ANXA10: variants seen among roughly 807,000 people sequenced by gnomAD.
The protein encoded by ANXA10 is annexin A10.
In ANXA10, 49 loss-of-function variants were observed where a neutral mutation model predicts 53.5. The ratio of observed to expected loss-of-function variants is 0.92; its 90% CI spans 0.73 to 1.16. The LOEUF is 1.16. ANXA10 is among the 50% of genes most tolerant of loss of function. ANXA10 has a pLI of 0.00. For missense variants in ANXA10, 393 were observed against 394.4 expected (o/e 1.00, Z 0.03); for synonymous variants, 131 against 128.9 (o/e 1.02, Z -0.11).
intron 1 of ANXA10, among the ~76,000 whole-genome samples, chr4:168,103,530 C>G (rs1275082670): frequency 6.6e-6 from 1 of 151,776 alleles, no homozygotes; most frequent in Non-Finnish European, 1.5e-5. Flanking sequence ...ATATTGTTAC[C>G]TAATAGCAGA....
intron 1 of ANXA10, among the ~76,000 whole-genome samples, chr4:168,112,435 G>T (rs1730823607): frequency 6.6e-6 from 1 of 152,148 alleles, no homozygotes; most frequent in Admixed American, 6.5e-5. Context: ...TACAAGAAGA[G>T]CACTTGGCGG....
At chr4:168,122,034 C>A (rs7665767) in intron 1 of ANXA10, among the ~76,000 whole-genome samples, 1 of 151,580 alleles carries the variant, frequency 6.6e-6, no homozygotes, top group African/African-American at 2.4e-5. Context: ...GTACAGATGG[C>A]GTTTCACCAT....
chr4:168,098,619 T>C (rs956492965), intron 1 of ANXA10, among the ~76,000 whole-genome samples: 2 of 152,180 alleles, frequency 1.3e-5, no homozygotes, highest in African/African-American at 4.8e-5. Context: ...AATACTTTAC[T>C]CATAGCTTTT....
rs1731613289 is a variant in ANXA10 at position 168,155,700 on chromosome 4, T to G, written c.196-6828T>G. Among the ~76,000 whole-genome samples, 2 of 34,002 alleles carry G rather than the reference T, an allele frequency of 5.9e-5. 1 individual carries two copies. Among genetic ancestry groups the G allele is most frequent in the African/African-American group, 3.3e-4 (2 of 6,064 alleles). The allele number at this position is 34,002 out of a possible 152,430, so 22.3% of individuals were successfully genotyped here. The stretch of plus-strand genomic sequence containing the variant: ...ATATATTATAAAATATATAATATAT[T>G]ATAAATATATAATATTATATAATAT... On this transcript the variant is annotated intron_variant, in intron 3 of 11. Coordinates refer to ENST00000359299, the MANE Select transcript of ANXA10 (RefSeq NM_007193.5).
At chr4:168,151,733 ATTCG>A (rs1731500837) in intron 3 of ANXA10, among the ~76,000 whole-genome samples, 1 of 152,222 alleles carries the variant, frequency 6.6e-6, no homozygotes, top group Non-Finnish European at 1.5e-5. Context: ...TAAACATGTT[ATTCG>A]ATATTTATCT....
chr4:168,154,966 G>A (rs1274381171), intron 3 of ANXA10, among the ~76,000 whole-genome samples: 1 of 151,940 alleles, frequency 6.6e-6, no homozygotes, highest in Non-Finnish European at 1.5e-5. Flanking sequence ...CATTATTAGG[G>A]CCTCATGGTA....
intron 1 of ANXA10, among the ~76,000 whole-genome samples, chr4:168,111,796 T>C (rs2149466413): frequency 6.6e-6 from 1 of 152,306 alleles, no homozygotes; most frequent in South Asian, 2.1e-4. Context: ...GGCACAGATA[T>C]GTTCACTGAA....
chr4:168,122,418 T>C (rs770561511), intron 1 of ANXA10, among the ~76,000 whole-genome samples: 5 of 152,234 alleles, frequency 3.3e-5, no homozygotes, highest in Non-Finnish European at 7.3e-5. Flanking sequence ...TACTCTGTAC[T>C]ATAGAACTAA....
chr4:168,165,146 G>C (rs1230463120), intron 5 of ANXA10, 101 bp from the exon 6 acceptor site: 2 of 635,294 alleles, frequency 3.1e-6, no homozygotes, highest in Non-Finnish European at 5.1e-6. Context: ...TACATTTCCT[G>C]GACTTTGTAC....
Position 168,118,213 on chromosome 4 carries a change from A to G in ANXA10, c.19-9871A>G, listed in dbSNP as rs909049318. ...AAAACTCTAAAGAAACAAGGGGGAA[A>G]AAAATGGGCCCTTGGCCTAATTAGC... On this transcript the variant is annotated intron_variant, in intron 1 of 11. Coordinates refer to ENST00000359299, the MANE Select transcript of ANXA10 (RefSeq NM_007193.5). 1.8e-4 allele frequency among the ~76,000 whole-genome samples: 28 copies of G among 152,212 alleles called. 1 individual carries two copies. The highest frequency in any genetic ancestry group is 7.2e-5 in the African/African-American group (3 of 41,450).
intron 2 of ANXA10, among the ~76,000 whole-genome samples, chr4:168,138,086 T>A (rs997778332): frequency 1.3e-5 from 2 of 151,766 alleles, no homozygotes; most frequent in African/African-American, 4.8e-5. Flanking sequence ...CTCAGCCTAC[T>A]GAGTAGCTGG....
intron 1 of ANXA10, among the ~76,000 whole-genome samples, chr4:168,096,926 A>ATATATGTATATATATATATATATG (rs371811709): frequency 2.6e-4 from 34 of 129,910 alleles, no homozygotes; most frequent in Middle Eastern, 4.0e-3. Context: ...ATATATATAT[A>ATATATGTATATATATATATATATG]TATGTATGTA....
chr4:168,165,140 T>C (rs942790334), intron 5 of ANXA10, 107 bp from the exon 6 acceptor site: 4 of 568,864 alleles, frequency 7.0e-6, no homozygotes, highest in Non-Finnish European at 1.2e-5. Flanking sequence ...GTGGACTACA[T>C]TTCCTGGACT....
intron 1 of ANXA10, among the ~76,000 whole-genome samples, chr4:168,117,905 T>C (rs1415947939): frequency 2.2e-5 from 3 of 135,674 alleles, no homozygotes; most frequent in Admixed American, 7.1e-5. Context: ...CATACAATAC[T>C]CACTCACTCA....
intron 6 of ANXA10, among the ~76,000 whole-genome samples, chr4:168,171,297 T>C (rs999766261): frequency 2.6e-5 from 4 of 152,164 alleles, no homozygotes; most frequent in African/African-American, 4.8e-5. Flanking sequence ...TTTTGTATCT[T>C]TGGATTTATC....
chr4:168,128,282 G>T, intron 2 of ANXA10, 117 bp downstream of exon 2: 6 of 380,268 alleles, frequency 1.6e-5, no homozygotes, highest in East Asian at 9.0e-5. Context: ...ATACAGATTA[G>T]ACAAAAAAAA....
intron 1 of ANXA10, among the ~76,000 whole-genome samples, chr4:168,119,789 C>A (rs1455127866): frequency 2.6e-5 from 4 of 151,984 alleles, no homozygotes; most frequent in Admixed American, 6.6e-5. Flanking sequence ...TTGTGTCCCC[C>A]AAACAAATTA....
Position 168,164,534 on chromosome 4 carries a change from A to G in ANXA10, c.400+246A>G, listed in dbSNP as rs542496367. 3.3e-5 allele frequency among the ~76,000 whole-genome samples: 5 copies of G among 152,208 alleles called. No individual in the cohort carries two copies. In the East Asian group the frequency reaches 7.7e-4, roughly 23 times the overall value. On this transcript the variant is annotated intron_variant, in intron 5 of 11. Coordinates refer to ENST00000359299, the MANE Select transcript of ANXA10 (RefSeq NM_007193.5). ...ATAATTACAAGTCTCTATGAGGTGA[A>G]TGTTTTCATTAAGACAGGAAAGTGT...
intron 3 of ANXA10, among the ~76,000 whole-genome samples, chr4:168,141,190 T>G (rs1731319870): frequency 6.6e-6 from 1 of 152,242 alleles, no homozygotes. Flanking sequence ...GAATAATTCA[T>G]ACCTCCTGGA....
Sources: allele counts gnomAD v4.1 joint callset (sites outside exome capture counted in the v4.1 genomes callset), GRCh38; gene constraint gnomAD v4.1.1; transcripts MANE v1.5; gene names NCBI Gene and HGNC (gene_info 2026-07-23, HGNC 2026-07-21).